Variants in NEMP2 observed in about 807,000 individuals in gnomAD.
The protein encoded by NEMP2 is UPF0571 transmembrane protein.
Under a neutral mutation model 54.2 loss-of-function variants are expected in NEMP2, and 53 were observed. That is an observed-to-expected ratio of 0.98 (90% CI 0.78 to 1.23). The LOEUF (loss-of-function observed/expected upper bound fraction) is 1.23, where lower values mean the gene tolerates loss of function less well. NEMP2 is among the 50% of genes most tolerant of loss of function. NEMP2 has a pLI of 0.00. For missense variants in NEMP2, 455 were observed against 511.3 expected, an observed-to-expected ratio of 0.89 and a Z score of 1.06; for synonymous variants, 197 against 190.3, an observed-to-expected ratio of 1.04 and a Z score of -0.29.
At chr2:190,434,182 CAA>C in the NEMP2 span, among the ~76,000 whole-genome samples, 7 of 129,782 alleles carry the variant, frequency 5.4e-5, no homozygotes, top group Admixed American at 7.7e-5. This position sits in a 1 kb window ranked among gnomAD's most constrained non-coding sequence, Gnocchi z 4.3. Context: ...CCCTGTCTCT[CAA>C]AAAAAAAAAA....
the NEMP2 span, among the ~76,000 whole-genome samples, chr2:190,489,288 A>G: frequency 6.6e-5 from 10 of 152,286 alleles, no homozygotes; most frequent in Admixed American, 5.2e-4. This position sits in a 1 kb window ranked among gnomAD's most constrained non-coding sequence, Gnocchi z 6.6. Flanking sequence ...TCCTTATTAG[A>G]AACATAGGAG....
chr2:190,583,726 A>T, the NEMP2 span, among the ~76,000 whole-genome samples: 1 of 152,212 alleles, frequency 6.6e-6, no homozygotes, highest in Non-Finnish European at 1.5e-5. Context: ...ATCAGGTTGA[A>T]TCATCTACAG....
chr2:190,546,201 A>G, the NEMP2 span, among the ~76,000 whole-genome samples: 2 of 152,298 alleles, frequency 1.3e-5, no homozygotes, highest in East Asian at 3.9e-4. This position sits in a 1 kb window ranked among gnomAD's most constrained non-coding sequence, Gnocchi z 5.1. Flanking sequence ...GGCCTTACTC[A>G]ACCACAGACA....
the NEMP2 span, chr2:190,629,726 A>G: frequency 6.6e-6 from 1 of 152,210 alleles, no homozygotes; most frequent in Non-Finnish European, 1.5e-5. Context: ...CCAACACCAT[A>G]GACATCTCAG....
At chr2:190,648,127 C>A in the NEMP2 span, 2 of 152,156 alleles carry the variant, frequency 1.3e-5, no homozygotes, top group Non-Finnish European at 2.9e-5. Flanking sequence ...TATACTAGCG[C>A]CGTAGTTTTT....
the NEMP2 span, among the ~76,000 whole-genome samples, chr2:190,448,149 A>G: frequency 6.6e-6 from 1 of 152,170 alleles, no homozygotes; most frequent in Admixed American, 6.5e-5. Flanking sequence ...GCCACCCTCT[A>G]ACAGGCTGAG....
At position 190,512,238 on chromosome 2, in the gene NEMP2, G is replaced by GA. The variant is rs1363317887; in HGVS notation, c.954-1702dup. On this transcript the variant is annotated intron_variant, in intron 7 of 8. Coordinates refer to ENST00000409150, the MANE Select transcript of NEMP2 (RefSeq NM_001142645.2). The surrounding 1 kb of genome is among the most constrained non-coding windows in gnomAD (Gnocchi z 4.5). ...GTTCAGAGCCTCACTTTGCTCATAT[G>GA]AAAAAAATTAAAATGAAAGCAATAA... Among the ~76,000 whole-genome samples the GA allele has an allele frequency of 6.6e-6, 1 of 152,004 alleles. No individual in the cohort carries two copies. Among genetic ancestry groups the GA allele is most frequent in the Non-Finnish European group, 1.5e-5 (1 of 67,998 alleles).
the NEMP2 span, chr2:190,497,440 C>G: frequency 2.0e-5 from 33 of 1,612,882 alleles, no homozygotes; most frequent in South Asian, 3.6e-4. This position sits in a 1 kb window ranked among gnomAD's most constrained non-coding sequence, Gnocchi z 5.2. Context: ...TCTCTCCAGA[C>G]AAGACAATGT....
the NEMP2 span, chr2:190,469,688 G>A: frequency 4.5e-6 from 4 of 893,616 alleles, no homozygotes; most frequent in Non-Finnish European, 6.2e-6. This position sits in a 1 kb window ranked among gnomAD's most constrained non-coding sequence, Gnocchi z 5.3. Context: ...ATATTAGATT[G>A]TATATTAGGG....
At chr2:190,443,026 G>T in the NEMP2 span, 1 of 152,150 alleles carries the variant, frequency 6.6e-6, no homozygotes, top group East Asian at 1.9e-4. The surrounding 1 kb of genome is among the most constrained non-coding windows in gnomAD (Gnocchi z 4.2). Flanking sequence ...TTATGCTTGA[G>T]AATATTTTGT....
upstream of NEMP2, among the ~76,000 whole-genome samples, chr2:190,538,307 AT>A (rs920992484): frequency 1.5e-4 from 23 of 151,868 alleles, 1 homozygote; most frequent in East Asian, 1.9e-4. The surrounding 1 kb of genome is among the most constrained non-coding windows in gnomAD (Gnocchi z 4.1). Flanking sequence ...ATAGGATTTC[AT>A]TTTTTTTATG....
chr2:190,429,120 A>G, the NEMP2 span, among the ~76,000 whole-genome samples: 6 of 151,980 alleles, frequency 3.9e-5, no homozygotes, highest in Non-Finnish European at 5.9e-5. Context: ...TGCCTATTCA[A>G]GCTTTTTGCT....
chr2:190,459,508 C>T, the NEMP2 span, among the ~76,000 whole-genome samples: 6 of 152,100 alleles, frequency 3.9e-5, no homozygotes, highest in Non-Finnish European at 8.8e-5. This position sits in a 1 kb window ranked among gnomAD's most constrained non-coding sequence, Gnocchi z 5.3. Flanking sequence ...AGTCATTTGA[C>T]TAAACAGAAA....
At position 190,534,231 on chromosome 2, in the gene NEMP2, G is replaced by C. The variant is rs1574323810; in HGVS notation, c.97+328C>G. On this transcript the variant is annotated intron_variant, in intron 1 of 8. Coordinates refer to ENST00000409150, the MANE Select transcript of NEMP2 (RefSeq NM_001142645.2). The stretch of plus-strand genomic sequence containing the variant: ...CTGGAGACTAGGGTCAGCTGTGCCA[G>C]TGACAAGCTGTGTGACCCTGGGCAA... The C allele has an allele frequency of 1.1e-5, 12 of 1,090,862 alleles. No individual in the cohort carries two copies. The South Asian group carries it at 4.9e-4, about 44-fold the overall frequency. The allele number at this position is 1,090,862 out of a possible 1,614,324, so 67.6% of individuals were successfully genotyped here.
intron 5 of NEMP2, among the ~76,000 whole-genome samples, chr2:190,516,729 T>G (rs1690571173): frequency 6.6e-6 from 1 of 152,204 alleles, no homozygotes; most frequent in Non-Finnish European, 1.5e-5. Flanking sequence ...GTTGCAAACT[T>G]TAATCAGTGT....
chr2:190,598,460 T>G, the NEMP2 span, among the ~76,000 whole-genome samples: 5 of 152,274 alleles, frequency 3.3e-5, no homozygotes, highest in Non-Finnish European at 5.9e-5. Flanking sequence ...TCTACACTTC[T>G]TAATGGATAT....
rs1559157424 is a variant in NEMP2 at position 190,514,371 on chromosome 2, A to T, written c.953+82T>A. ...GATCAAATGTAATTATGAGATTAAC[A>T]TGATGTGTGCAAACACTCTCCCAAA... On this transcript the variant is annotated intron_variant, in intron 7 of 8. Coordinates refer to ENST00000409150, the MANE Select transcript of NEMP2 (RefSeq NM_001142645.2). The surrounding 1 kb of genome is among the most constrained non-coding windows in gnomAD (Gnocchi z 5.7). The T allele has an allele frequency of 8.1e-7, 1 of 1,233,362 alleles. No individual in the cohort carries two copies. Among genetic ancestry groups the T allele is most frequent in the South Asian group, 1.3e-5 (1 of 75,560 alleles). The allele number at this position is 1,233,362 out of a possible 1,614,324, so 76.4% of individuals were successfully genotyped here.
chr2:190,544,495 T>G, the NEMP2 span, among the ~76,000 whole-genome samples: 1 of 152,164 alleles, frequency 6.6e-6, no homozygotes, highest in Non-Finnish European at 1.5e-5. Context: ...TTCTCAAATT[T>G]TGGTGTGAAT....
chr2:190,497,490 TAG>T, the NEMP2 span: 9 of 1,614,058 alleles, frequency 5.6e-6, no homozygotes, highest in African/African-American at 2.7e-5. This position sits in a 1 kb window ranked among gnomAD's most constrained non-coding sequence, Gnocchi z 5.2. Flanking sequence ...CCCGTTCCTA[TAG>T]CAACCATCGA....
Sources: gnomAD v4.1 joint callset for allele counts (sites outside exome capture counted in the v4.1 genomes callset) on GRCh38, gnomAD v4.1.1 for gene constraint, Gnocchi (gnomAD v3.1) non-coding constraint, MANE v1.5 for transcripts, NCBI Gene and HGNC (gene_info 2026-07-23, HGNC 2026-07-21) for gene names.